Variants in ZFHX3 observed in about 807,000 individuals in gnomAD.
ZFHX3 encodes the protein zinc finger homeobox 3, also known as zinc finger homeobox protein 3.
Under a neutral mutation model 279.1 loss-of-function variants are expected in ZFHX3, and 42 were observed. The observed-to-expected ratio is 0.15, with a 90% CI of 0.12 to 0.19. ZFHX3 has a LOEUF of 0.19. ZFHX3 is among the 10% of genes least tolerant of loss of function. ZFHX3 has a pLI of 1.00. For missense variants in ZFHX3, 4,981 were observed against 4,754.0 expected (o/e 1.05, Z -1.40); for synonymous variants, 2,293 against 1,957.8 (o/e 1.17, Z -4.52).
chr16:73,784,806 T>TACACACACACACAC (rs1567409723), intron 1 of ZFHX3, among the ~76,000 whole-genome samples: 2 of 121,736 alleles, frequency 1.6e-5, no homozygotes, highest in African/African-American at 8.4e-5. Flanking sequence ...AATATATATA[T>TACACACACACACAC]ATATATATAT....
intron 4 of ZFHX3, among the ~76,000 whole-genome samples, chr16:72,833,409 A>C (rs1597289051): frequency 6.6e-6 from 1 of 152,186 alleles, no homozygotes; most frequent in African/African-American, 2.4e-5. Context: ...CAGAGGCTGC[A>C]GATTTTTTTC....
At chr16:72,987,210 A>C (rs1387915713) in intron 1 of ZFHX3, among the ~76,000 whole-genome samples, 1 of 152,190 alleles carries the variant, frequency 6.6e-6, no homozygotes, top group African/African-American at 2.4e-5. Flanking sequence ...TAGTCATTCC[A>C]TCAGCAGCTA....
At chr16:73,693,880 G>A (rs918763477) in intron 1 of ZFHX3, among the ~76,000 whole-genome samples, 1 of 151,992 alleles carries the variant, frequency 6.6e-6, no homozygotes, top group African/African-American at 2.4e-5. Context: ...ATGGCTCTCG[G>A]GGTAAGAAGA....
intron 1 of ZFHX3, among the ~76,000 whole-genome samples, chr16:73,737,900 A>T (rs1265977436): frequency 6.6e-6 from 1 of 152,226 alleles, no homozygotes; most frequent in East Asian, 1.9e-4. Flanking sequence ...CAGGCTGTCA[A>T]CAAGTTGAAT....
At chr16:73,110,658 G>A (rs1597160471) in intron 7 of ZFHX3, among the ~76,000 whole-genome samples, 2 of 151,906 alleles carry the variant, frequency 1.3e-5, no homozygotes, top group African/African-American at 4.8e-5. Context: ...CAACCTCCTG[G>A]GTCCAAATGA....
chr16:73,737,413 C>T (rs571960275), intron 1 of ZFHX3, among the ~76,000 whole-genome samples: 1 of 152,294 alleles, frequency 6.6e-6, no homozygotes, highest in African/African-American at 2.4e-5. Flanking sequence ...AACCTGCTCT[C>T]CAAGCTGTGT....
At chr16:73,694,709 G>C (rs1469501194) in intron 1 of ZFHX3, among the ~76,000 whole-genome samples, 1 of 152,186 alleles carries the variant, frequency 6.6e-6, no homozygotes, top group East Asian at 1.9e-4. Context: ...TGGATAGCAA[G>C]AATGGCCCCT....
intron 1 of ZFHX3, among the ~76,000 whole-genome samples, chr16:73,758,659 A>G (rs1365883004): frequency 6.6e-6 from 1 of 152,232 alleles, no homozygotes; most frequent in Non-Finnish European, 1.5e-5. Context: ...GGCGGATCTA[A>G]CAGGGTCACA....
At position 72,788,722 on chromosome 16, in the gene ZFHX3, T is replaced by G; in HGVS notation, c.9554A>C (p.Gln3185Pro). Residue 3185 changes from glutamine (Q) to proline (P), a missense_variant, in exon 10 of 10, where the codon CAA becomes CCA. By Grantham distance (76) the Gln-to-Pro change is moderately conservative. Coordinates refer to ENST00000268489, the MANE Select transcript of ZFHX3 (RefSeq NM_006885.4). Reference protein sequence around the residue: ...SASLSSPTPAQATMAMGPQQP... With the variant: ...SASLSSPTPAPATMAMGPQQP... Reference sequence around the variant, plus strand: ...CTGAGGGCCCATCGCCATCGTGGCTTGTGCTGGGGTTGGGGAGCTCAGCGA... The same window carrying G: ...CTGAGGGCCCATCGCCATCGTGGCTGGTGCTGGGGTTGGGGAGCTCAGCGA... 1 of 1,607,474 alleles carries G rather than the reference T, an allele frequency of 6.2e-7. No homozygotes were observed. Among genetic ancestry groups the G allele is most frequent in the South Asian group, 1.1e-5 (1 of 90,180 alleles).
At chr16:72,943,264 G>A (rs182057417) in intron 3 of ZFHX3, among the ~76,000 whole-genome samples, 1 of 152,274 alleles carries the variant, frequency 6.6e-6, no homozygotes, top group East Asian at 1.9e-4. Flanking sequence ...CCAGGCGTGG[G>A]GGCTCACACC....
chr16:73,286,429 G>A (rs753524564), intron 4 of ZFHX3, among the ~76,000 whole-genome samples: 25 of 152,222 alleles, frequency 1.6e-4, no homozygotes, highest in Admixed American at 3.9e-4. Flanking sequence ...AATACCTCAA[G>A]CTGTGACCTT....
intron 5 of ZFHX3, among the ~76,000 whole-genome samples, chr16:73,215,525 G>A (rs2012172482): frequency 6.6e-6 from 1 of 152,174 alleles, no homozygotes. Context: ...TTTTCTCCCT[G>A]TTCTAAATAT....
chr16:73,507,390 T>C (rs7195237), intron 2 of ZFHX3, among the ~76,000 whole-genome samples: 8,716 of 151,892 alleles, frequency 0.057, 367 homozygotes, highest in African/African-American at 0.12. Flanking sequence ...AGAAGAACCA[T>C]TTAAACCAGG....
intron 2 of ZFHX3, among the ~76,000 whole-genome samples, chr16:73,645,497 C>A (rs1441776323): frequency 6.6e-6 from 1 of 152,174 alleles, no homozygotes; most frequent in Non-Finnish European, 1.5e-5. Flanking sequence ...ACCTCGTGAT[C>A]TGCCCGCCTT....
rs776247806 is a variant in ZFHX3, at chr16:72,795,238, G to C, written c.7444C>G (p.Gln2482Glu). 1.2e-6 allele frequency: 2 copies of C among 1,610,622 alleles called. No individual in the cohort carries two copies. The highest frequency in any genetic ancestry group is 1.7e-5 in the Admixed American group (1 of 59,828). ...GGAGGGGGCGCTTGTGGAGGAGGCT[G>C]TGGCAACGAAGGCAGGGACACCAGC... ...PQLVSLPSLPQPPPQAPPPQC... is the reference protein window; with the variant it reads ...PQLVSLPSLPEPPPQAPPPQC... The change falls in exon 9 of 10, where the codon CAG (glutamine) becomes GAG (glutamate). Residue 2482 changes from glutamine (Q) to glutamate (E), a missense_variant. By Grantham distance (29) the Gln-to-Glu change is conservative (BLOSUM62 2). This residue lies in a region of ZFHX3 where 744 missense variants were observed against 701.3 expected (regional missense o/e 1.06). Coordinates refer to ENST00000268489, the MANE Select transcript of ZFHX3 (RefSeq NM_006885.4).
chr16:73,803,656 G>A (rs75868514), intron 1 of ZFHX3, among the ~76,000 whole-genome samples: 4,883 of 152,088 alleles, frequency 0.032, 133 homozygotes, highest in African/African-American at 0.08. Flanking sequence ...TAGGCAAATG[G>A]GTGTCTATAT....
intron 1 of ZFHX3, among the ~76,000 whole-genome samples, chr16:73,736,114 C>A (rs940597286): frequency 1.3e-5 from 2 of 152,106 alleles, no homozygotes; most frequent in African/African-American, 2.4e-5. Context: ...TCTTTTCTTT[C>A]AGGTCACCAT....
chr16:73,806,243 G>T (rs1265455287), intron 1 of ZFHX3, among the ~76,000 whole-genome samples: 1 of 152,182 alleles, frequency 6.6e-6, no homozygotes, highest in African/African-American at 2.4e-5. Context: ...TTTGGGTGGG[G>T]ACACAGAGCC....
intron 3 of ZFHX3, among the ~76,000 whole-genome samples, chr16:72,898,055 TA>T (rs1567571565): frequency 6.6e-6 from 1 of 152,212 alleles, no homozygotes; most frequent in East Asian, 1.9e-4. Flanking sequence ...GTTAATTTTT[TA>T]ATCAGTCAGA....
Sources: gnomAD v4.1 joint callset for allele counts (sites outside exome capture counted in the v4.1 genomes callset) on GRCh38, gnomAD v4.1.1 for gene constraint, gnomAD v4.1.1 regional missense constraint, MANE v1.5 for transcripts, NCBI Gene and HGNC (gene_info 2026-07-23, HGNC 2026-07-21) for gene names.